The following HDAC8 variants were observed in gnomAD, a reference collection of about 807,000 sequenced individuals.
The protein encoded by HDAC8 is histone deacetylase-like 1.
Under a neutral mutation model 32.2 loss-of-function variants are expected in HDAC8, and 1 was observed. The ratio of observed to expected loss-of-function variants is 0.03; its 90% CI spans 0.01 to 0.15. HDAC8 has a LOEUF of 0.15. Ranked by LOEUF, HDAC8 falls within the 10% of genes least tolerant of loss-of-function variation. The probability of loss-of-function intolerance (pLI) is 1.00; values close to 1 mark genes in which losing one functional copy is unlikely to be tolerated. For missense variants in HDAC8, 117 were observed against 300.0 expected (o/e 0.39, Z 4.51); for synonymous variants, 108 against 113.9 (o/e 0.95, Z 0.33).
At chrX:72,544,978 C>G (rs1309421589) in intron 4 of HDAC8, among the ~76,000 whole-genome samples, 1 of 111,310 alleles carries the variant, frequency 9.0e-6, no homozygotes, top group African/African-American at 3.3e-5. Context: ...TCAGGGCTAC[C>G]ACATAGTCAT....
intron 9 of HDAC8, among the ~76,000 whole-genome samples, chrX:72,405,467 T>C (rs2046011661): frequency 8.9e-6 from 1 of 112,480 alleles, no homozygotes; most frequent in African/African-American, 3.2e-5. Context: ...TACATTCCTT[T>C]GGGTATATAC....
At chrX:72,427,757 A>T (rs1350078564) in intron 9 of HDAC8, among the ~76,000 whole-genome samples, 16 of 107,891 alleles carry the variant, frequency 1.5e-4, no homozygotes, top group East Asian at 2.9e-4. Flanking sequence ...TAATAAAATT[A>T]AAAAAAAAAG....
chrX:72,416,438 T>TTTTTTTTTTTTTTTTTTC (rs2046342997), intron 9 of HDAC8, among the ~76,000 whole-genome samples: 1 of 87,044 alleles, frequency 1.1e-5, no homozygotes, highest in African/African-American at 4.4e-5. Flanking sequence ...TTTTTTTTTT[T>TTTTTTTTTTTTTTTTTTC]TTTTTTGGTC....
intron 10 of HDAC8, among the ~76,000 whole-genome samples, chrX:72,331,401 C>T (rs1433242864): frequency 9.0e-6 from 1 of 111,490 alleles, no homozygotes; most frequent in East Asian, 2.8e-4. Flanking sequence ...CTTTCTCCCC[C>T]ACACCTAGCA....
At chrX:72,559,803 G>A (rs1048436134) in intron 4 of HDAC8, among the ~76,000 whole-genome samples, 14 of 104,484 alleles carry the variant, frequency 1.3e-4, no homozygotes, top group South Asian at 9.0e-4. Flanking sequence ...GCAGCCGCCC[G>A]TCTGTGAAGT....
intron 9 of HDAC8, among the ~76,000 whole-genome samples, chrX:72,453,464 TAAAGAAAGAAAGAAAGAAAGAAAG>T (rs61443640): frequency 3.9e-4 from 26 of 67,254 alleles, no homozygotes; most frequent in African/African-American, 1.5e-3. Context: ...CTCTTAAAAA[TAAAGAAAGAAAGAAAGAAAGAAAG>T]AAAGAAAGAA....
At chrX:72,446,545 G>A (rs1411989271) in intron 9 of HDAC8, among the ~76,000 whole-genome samples, 1 of 109,715 alleles carries the variant, frequency 9.1e-6, no homozygotes, top group African/African-American at 3.3e-5. Flanking sequence ...CGGGGTGGGG[G>A]AACGGGGGAG....
intron 4 of HDAC8, among the ~76,000 whole-genome samples, chrX:72,498,166 C>CA (rs71982796): frequency 0.1 from 5,105 of 50,593 alleles, 316 homozygotes; most frequent in African/African-American, 0.21. Context: ...GTTAAAATGG[C>CA]AAAAAAAAAA....
intron 10 of HDAC8, among the ~76,000 whole-genome samples, chrX:72,340,344 G>A (rs1326075232): frequency 9.0e-6 from 1 of 111,626 alleles, no homozygotes; most frequent in Non-Finnish European, 1.9e-5. Flanking sequence ...TTTGGTCGAT[G>A]TGCCTTCTCC....
At chrX:72,443,975 G>T (rs2047274826) in intron 9 of HDAC8, among the ~76,000 whole-genome samples, 1 of 107,736 alleles carries the variant, frequency 9.3e-6, no homozygotes, top group Non-Finnish European at 1.9e-5. Context: ...ACCCTCCCAA[G>T]ACTAAACCAG....
At chrX:72,458,648 G>T (rs2047786811) in intron 9 of HDAC8, among the ~76,000 whole-genome samples, 1 of 111,847 alleles carries the variant, frequency 8.9e-6, no homozygotes, top group South Asian at 3.7e-4. Flanking sequence ...TCAACTAGGT[G>T]GTGGCTACTT....
intron 4 of HDAC8, among the ~76,000 whole-genome samples, chrX:72,544,290 T>G (rs1316238417): frequency 1.8e-5 from 2 of 111,751 alleles, no homozygotes; most frequent in Non-Finnish European, 3.8e-5. Context: ...ACCCAGGTTC[T>G]CCTGCGACAG....
intron 4 of HDAC8, among the ~76,000 whole-genome samples, chrX:72,499,847 T>C (rs1225219756): frequency 2.7e-5 from 3 of 111,703 alleles, no homozygotes; most frequent in African/African-American, 9.8e-5. Flanking sequence ...ATGCAAAAGT[T>C]AGATTTTTGA....
intron 10 of HDAC8, among the ~76,000 whole-genome samples, chrX:72,333,978 T>C: frequency 8.9e-6 from 1 of 112,292 alleles, no homozygotes; most frequent in Non-Finnish European, 1.9e-5. Context: ...AGGTGGGTGC[T>C]GTACTCCTCT....
intron 9 of HDAC8, among the ~76,000 whole-genome samples, chrX:72,435,676 C>G (rs1257596437): frequency 8.9e-6 from 1 of 111,959 alleles, no homozygotes; most frequent in African/African-American, 3.2e-5. Context: ...CAGAAAAGAT[C>G]AGTGAACCTG....
intron 9 of HDAC8, among the ~76,000 whole-genome samples, chrX:72,410,941 A>G (rs140378497): frequency 1.6e-3 from 166 of 102,897 alleles, no homozygotes; most frequent in African/African-American, 5.8e-3. Flanking sequence ...TTCCCACCTC[A>G]CTCTTCTCTC....
chrX:72,415,093 A>T (rs1186007550), intron 9 of HDAC8, among the ~76,000 whole-genome samples: 2 of 112,426 alleles, frequency 1.8e-5, no homozygotes, highest in Non-Finnish European at 3.8e-5. Context: ...ATCTATAGAA[A>T]AGCTACAAAA....
chrX:72,339,090 C>A (rs1352242152), intron 10 of HDAC8, among the ~76,000 whole-genome samples: 2 of 111,290 alleles, frequency 1.8e-5, no homozygotes, highest in African/African-American at 6.5e-5. Flanking sequence ...ACATGAGGCA[C>A]ATCTTGAGAA....
At chrX:72,493,692 C>A (rs1252044054) in intron 5 of HDAC8, among the ~76,000 whole-genome samples, 3 of 111,486 alleles carry the variant, frequency 2.7e-5, no homozygotes, top group Non-Finnish European at 5.7e-5. Flanking sequence ...AATGGAAAAA[C>A]CATTCTTATT....
Sources: gnomAD v4.1 joint callset for allele counts (sites outside exome capture counted in the v4.1 genomes callset) on GRCh38, gnomAD v4.1.1 for gene constraint, MANE v1.5 for transcripts, NCBI Gene and HGNC (gene_info 2026-07-23, HGNC 2026-07-21) for gene names.